The following NEK6 variants were observed in gnomAD, a reference collection of about 807,000 sequenced individuals.
NEK6 encodes the protein NIMA related kinase 6.
A neutral mutation model predicts 43.5 loss-of-function variants in NEK6; 27 were observed. The ratio of observed to expected loss-of-function variants is 0.62; its 90% CI spans 0.46 to 0.86. The LOEUF is 0.86. Ranked by LOEUF, NEK6 falls within the 40% of genes least tolerant of loss-of-function variation. The pLI, the probability that NEK6 is intolerant of heterozygous loss-of-function variation, is 0.00. For missense variants in NEK6, 318 were observed against 414.4 expected (o/e 0.77, Z 2.02); for synonymous variants, 167 against 164.1 (o/e 1.02, Z -0.14).
intron 8 of NEK6, among the ~76,000 whole-genome samples, chr9:124,341,042 T>A (rs1420379801): frequency 6.6e-6 from 1 of 152,164 alleles, no homozygotes; most frequent in Non-Finnish European, 1.5e-5. Context: ...CTTCACAGCA[T>A]CTTTCTTTTG....
chr9:124,285,390 G>T (rs1056092652), intron 1 of NEK6, among the ~76,000 whole-genome samples: 10 of 152,154 alleles, frequency 6.6e-5, no homozygotes, highest in Non-Finnish European at 1.0e-4. Context: ...AGTCTCAGAG[G>T]CCGACCTGCA....
intron 1 of NEK6, chr9:124,261,233 C>G (rs1831019010): frequency 4.3e-6 from 1 of 232,782 alleles, no homozygotes; most frequent in Non-Finnish European, 7.1e-6. Flanking sequence ...CACTGCTGGC[C>G]TTCCTCGCCC....
chr9:124,266,665 A>G (rs1040135621), intron 1 of NEK6, among the ~76,000 whole-genome samples: 1 of 152,260 alleles, frequency 6.6e-6, no homozygotes, highest in African/African-American at 2.4e-5. Flanking sequence ...GGACCACAAC[A>G]GTGTTCTCCA....
chr9:124,281,708 A>G (rs1831920145), intron 1 of NEK6, among the ~76,000 whole-genome samples: 1 of 151,964 alleles, frequency 6.6e-6, no homozygotes, highest in South Asian at 2.1e-4. Context: ...CATGCTAGCC[A>G]GGCTGATCTC....
At chr9:124,269,216 C>T (rs980705027) in intron 1 of NEK6, among the ~76,000 whole-genome samples, 5 of 152,168 alleles carry the variant, frequency 3.3e-5, no homozygotes, top group Non-Finnish European at 5.9e-5. Flanking sequence ...GTGGTCCACC[C>T]CAGACCCCAC....
chr9:124,257,630 G>A (rs936352870), upstream of NEK6: 3 of 1,503,446 alleles, frequency 2.0e-6, no homozygotes, highest in Non-Finnish European at 2.7e-6. Flanking sequence ...TGGGGAATCC[G>A]AAGACGCACA....
At chr9:124,313,256 G>A (rs1198655809) in intron 3 of NEK6, among the ~76,000 whole-genome samples, 1 of 152,200 alleles carries the variant, frequency 6.6e-6, no homozygotes, top group African/African-American at 2.4e-5. Flanking sequence ...CCTGGGCAGA[G>A]GAGGGCCGGG....
At chr9:124,319,560 T>G (rs1174698317) in intron 4 of NEK6, among the ~76,000 whole-genome samples, 1 of 152,236 alleles carries the variant, frequency 6.6e-6, no homozygotes, top group Non-Finnish European at 1.5e-5. Context: ...TTTCCTAGGT[T>G]TTCTTCTAGG....
chr9:124,283,383 C>T (rs1015636734), intron 1 of NEK6, among the ~76,000 whole-genome samples: 1 of 152,232 alleles, frequency 6.6e-6, no homozygotes, highest in Non-Finnish European at 1.5e-5. Flanking sequence ...TCCTAGGACA[C>T]AGTTAGCTGA....
At position 124,339,587 on chromosome 9, in the gene NEK6, C is replaced by T. The variant is rs766384710; in HGVS notation, c.639C>T (p.Tyr213=). Reference sequence around the variant, plus strand: ...GTGTTGCAGTGGGGACGCCCTACTACATGTCACCGGAGAGGATCCATGAGA... The same window carrying T: ...GTGTTGCAGTGGGGACGCCCTACTATATGTCACCGGAGAGGATCCATGAGA... ...AAHSLVGTPY[Y]MSPERIHENG... is the part of the protein sequence containing the mutation. Residue 213 remains tyrosine, a synonymous_variant, in exon 8 of 10, where the codon TAC becomes TAT. Coordinates refer to ENST00000320246, the MANE Select transcript of NEK6 (RefSeq NM_014397.6). 6.2e-7 allele frequency: 1 copy of T among 1,613,984 alleles called. No individual in the cohort carries two copies. Among genetic ancestry groups the T allele is most frequent in the Non-Finnish European group, 8.5e-7 (1 of 1,179,870 alleles).
intron 1 of NEK6, among the ~76,000 whole-genome samples, chr9:124,276,141 G>T (rs1336620134): frequency 6.6e-6 from 1 of 152,132 alleles, no homozygotes; most frequent in African/African-American, 2.4e-5. Flanking sequence ...GTGGGGAGCA[G>T]CCTGGAACAG....
chr9:124,345,561 T>C (rs1336698142), intron 8 of NEK6, among the ~76,000 whole-genome samples: 1 of 152,160 alleles, frequency 6.6e-6, no homozygotes, highest in Non-Finnish European at 1.5e-5. Flanking sequence ...TCTGGGGCCT[T>C]TGGAGTTCCC....
chr9:124,277,871 T>C (rs1389163439), intron 1 of NEK6, among the ~76,000 whole-genome samples: 2 of 152,220 alleles, frequency 1.3e-5, no homozygotes, highest in Admixed American at 6.5e-5. Flanking sequence ...CCTCATGTGC[T>C]GTGGAGAGTG....
At chr9:124,344,020 C>T (rs948212885) in intron 8 of NEK6, among the ~76,000 whole-genome samples, 3 of 152,164 alleles carry the variant, frequency 2.0e-5, no homozygotes, top group African/African-American at 7.2e-5. Flanking sequence ...GCCTTCTGGA[C>T]GTTCTGGGGG....
chr9:124,283,443 C>T (rs1168425248), intron 1 of NEK6, among the ~76,000 whole-genome samples: 4 of 152,188 alleles, frequency 2.6e-5, no homozygotes, highest in Admixed American at 6.5e-5. Flanking sequence ...TAGCACTGGA[C>T]GGAGGACAGA....
intron 1 of NEK6, chr9:124,292,718 C>A: frequency 8.9e-7 from 1 of 1,118,406 alleles, no homozygotes; most frequent in Non-Finnish European, 1.2e-6. Flanking sequence ...GGGGGCCAGG[C>A]TTCTCCCTCC....
At chr9:124,280,615 G>A (rs1196567276) in intron 1 of NEK6, among the ~76,000 whole-genome samples, 1 of 152,170 alleles carries the variant, frequency 6.6e-6, no homozygotes, top group Non-Finnish European at 1.5e-5. Context: ...GTGTCCATTG[G>A]GTCATCAGGC....
chr9:124,272,783 A>G (rs1588442918), intron 1 of NEK6, among the ~76,000 whole-genome samples: 2 of 152,030 alleles, frequency 1.3e-5, no homozygotes, highest in Non-Finnish European at 2.9e-5. Context: ...CTATTAATTC[A>G]TTTTACAGAT....
intron 1 of NEK6, chr9:124,261,534 C>G (rs942475762): frequency 1.0e-6 from 1 of 985,362 alleles, no homozygotes; most frequent in Non-Finnish European, 1.2e-6. Context: ...ATGTCACCTT[C>G]ACGGGCCTGA....
Sources: gnomAD v4.1 joint callset for allele counts (sites outside exome capture counted in the v4.1 genomes callset) on GRCh38, gnomAD v4.1.1 for gene constraint, MANE v1.5 for transcripts, NCBI Gene and HGNC (gene_info 2026-07-23, HGNC 2026-07-21) for gene names.